PCSK2: variants seen among roughly 807,000 people sequenced by gnomAD.
PCSK2 encodes the protein proprotein convertase subtilisin/kexin type 2.
In PCSK2, 14 loss-of-function variants were observed where a neutral mutation model predicts 69.7. That is an observed-to-expected ratio of 0.20 (90% CI 0.13 to 0.31). The LOEUF (loss-of-function observed/expected upper bound fraction) is 0.31. PCSK2 is among the 10% of genes least tolerant of loss of function. The pLI is 1.00. For synonymous variants in PCSK2, 307 were observed against 320.7 expected (o/e 0.96, Z 0.46); for missense variants, 544 against 842.5 (o/e 0.65, Z 4.39).
chr20:17,467,612 G>A (rs982371586), intron 11 of PCSK2, among the ~76,000 whole-genome samples: 2 of 152,180 alleles, frequency 1.3e-5, no homozygotes, highest in African/African-American at 4.8e-5. Context: ...AAAAGTTTCT[G>A]TTATAATCTA....
At chr20:17,465,669 T>A in intron 11 of PCSK2, 116 bp downstream of exon 11, 1 of 712,682 alleles carries the variant, frequency 1.4e-6, no homozygotes. Flanking sequence ...TATTTTTTGT[T>A]TGTTTGTTTG....
intron 2 of PCSK2, among the ~76,000 whole-genome samples, chr20:17,269,957 T>C (rs1445032057): frequency 1.3e-5 from 2 of 152,266 alleles, no homozygotes; most frequent in African/African-American, 4.8e-5. Context: ...TTCAGAAAGA[T>C]ATAGTTTTTA....
At chr20:17,465,625 A>T in intron 11 of PCSK2, 72 bp downstream of exon 11, 1 of 900,634 alleles carries the variant, frequency 1.1e-6, no homozygotes, top group Non-Finnish European at 1.7e-6. Flanking sequence ...CATTGGCATA[A>T]TATCACATTC....
At chr20:17,299,126 A>T (rs1015777) in intron 2 of PCSK2, among the ~76,000 whole-genome samples, 11,968 of 152,078 alleles carry the variant, frequency 0.079, 548 homozygotes, top group East Asian at 0.11. Flanking sequence ...CTTTTTTGCT[A>T]GAAAGGTCTT....
At chr20:17,277,717 A>T (rs1214588745) in intron 2 of PCSK2, among the ~76,000 whole-genome samples, 3 of 151,314 alleles carry the variant, frequency 2.0e-5, no homozygotes, top group African/African-American at 7.3e-5. Context: ...AAATTGACAA[A>T]TGGGATCTAA....
intron 2 of PCSK2, among the ~76,000 whole-genome samples, chr20:17,327,382 A>G (rs574895752): frequency 6.6e-6 from 1 of 152,296 alleles, no homozygotes; most frequent in Admixed American, 6.5e-5. Flanking sequence ...AGGACACAGG[A>G]CATAAGCAGA....
intron 2 of PCSK2, among the ~76,000 whole-genome samples, chr20:17,324,339 C>A (rs946176818): frequency 1.3e-5 from 2 of 152,166 alleles, no homozygotes; most frequent in African/African-American, 4.8e-5. Flanking sequence ...AAGCAAGAGG[C>A]CACTTTCTTT....
intron 2 of PCSK2, among the ~76,000 whole-genome samples, chr20:17,313,424 C>A (rs1218082911): frequency 6.6e-6 from 1 of 152,086 alleles, no homozygotes; most frequent in African/African-American, 2.4e-5. Flanking sequence ...CCAGAAGAGA[C>A]CCCCAAGAGC....
chr20:17,286,939 G>T (rs1988529186), intron 2 of PCSK2, among the ~76,000 whole-genome samples: 1 of 152,200 alleles, frequency 6.6e-6, no homozygotes, highest in Non-Finnish European at 1.5e-5. Flanking sequence ...AATTGTGAAG[G>T]CTGGCAAGTC....
intron 8 of PCSK2, among the ~76,000 whole-genome samples, chr20:17,449,507 C>CAT (rs1310068154): frequency 2.1e-4 from 15 of 70,366 alleles, no homozygotes; most frequent in East Asian, 1.7e-3. Context: ...TATAAATATA[C>CAT]ATATATATAT....
chr20:17,240,786 T>A (rs1161088390), intron 1 of PCSK2, among the ~76,000 whole-genome samples: 1 of 152,172 alleles, frequency 6.6e-6, no homozygotes, highest in East Asian at 1.9e-4. Flanking sequence ...TGTGGACTGT[T>A]AGCCCAGCCC....
chr20:17,369,178 T>G, intron 4 of PCSK2, 62 bp from the exon 5 acceptor site: 1 of 1,491,606 alleles, frequency 6.7e-7, no homozygotes, highest in Non-Finnish European at 9.3e-7. Flanking sequence ...TGGGCAGCTT[T>G]CCTGAGGACA....
intron 2 of PCSK2, among the ~76,000 whole-genome samples, chr20:17,332,721 G>A (rs1175851992): frequency 1.3e-5 from 2 of 152,128 alleles, no homozygotes; most frequent in African/African-American, 4.8e-5. Flanking sequence ...GAGCACCACT[G>A]CTCTAGAAGA....
chr20:17,266,011 G>A lies in PCSK2; in HGVS notation c.282+5667G>A, dbSNP rs145261283. ...AATTGATACTGCTTATGAATCTGTCGTTCTTTAAACAATTGTTTGCACTAA... is the reference window on the plus strand; with the variant it reads ...AATTGATACTGCTTATGAATCTGTCATTCTTTAAACAATTGTTTGCACTAA... On this transcript the variant is annotated intron_variant, in intron 2 of 11. Coordinates refer to ENST00000262545, the MANE Select transcript of PCSK2 (RefSeq NM_002594.5). Among the ~76,000 whole-genome samples the A allele has an allele frequency of 4.4e-3, 675 of 152,236 alleles. 3 individuals carry two copies. Among genetic ancestry groups the A allele is most frequent in the Non-Finnish European group, 5.9e-3 (402 of 68,024 alleles).
intron 4 of PCSK2, among the ~76,000 whole-genome samples, chr20:17,365,885 C>T (rs2030572909): frequency 6.6e-6 from 1 of 152,220 alleles, no homozygotes; most frequent in Admixed American, 6.5e-5. Flanking sequence ...CTAATGACCG[C>T]TCCCCCATGG....
chr20:17,340,347 C>G (rs1393856918), intron 2 of PCSK2, among the ~76,000 whole-genome samples: 3 of 152,152 alleles, frequency 2.0e-5, no homozygotes, highest in Admixed American at 2.0e-4. Context: ...TCCTACACGC[C>G]TATAATTTTC....
At chr20:17,251,680 G>C (rs1986986386) in intron 1 of PCSK2, among the ~76,000 whole-genome samples, 1 of 152,162 alleles carries the variant, frequency 6.6e-6, no homozygotes. Context: ...TGTTTCTGTA[G>C]TCCATTGCTG....
intron 2 of PCSK2, among the ~76,000 whole-genome samples, chr20:17,313,088 A>T (rs1989567172): frequency 6.6e-6 from 1 of 152,210 alleles, no homozygotes; most frequent in African/African-American, 2.4e-5. Flanking sequence ...AAGGCAATTA[A>T]AATATAATTT....
chr20:17,281,368 A>G (rs1988304894), intron 2 of PCSK2, among the ~76,000 whole-genome samples: 1 of 152,172 alleles, frequency 6.6e-6, no homozygotes, highest in Admixed American at 6.5e-5. Context: ...GTGAACTTTA[A>G]GGTCAGGTGC....
Sources: gnomAD v4.1 joint callset for allele counts (sites outside exome capture counted in the v4.1 genomes callset) on GRCh38, gnomAD v4.1.1 for gene constraint, MANE v1.5 for transcripts, NCBI Gene and HGNC (gene_info 2026-07-23, HGNC 2026-07-21) for gene names.